Variants in PTPRN2 observed in about 807,000 individuals in gnomAD.
The protein encoded by PTPRN2 is protein tyrosine phosphatase receptor type N2.
A neutral mutation model predicts 118.8 loss-of-function variants in PTPRN2; 74 were observed. The observed-to-expected ratio is 0.62, with a 90% CI of 0.52 to 0.76. The LOEUF (loss-of-function observed/expected upper bound fraction) is 0.76, where lower values mean the gene tolerates loss of function less well. PTPRN2 is among the 30% of genes least tolerant of loss of function. The probability of loss-of-function intolerance (pLI) is 0.00; values close to 1 mark genes in which losing one functional copy is unlikely to be tolerated. For synonymous variants in PTPRN2, 641 were observed against 608.0 expected (o/e 1.05, Z -0.80); for missense variants, 1,481 against 1,394.4 (o/e 1.06, Z -0.99).
At chr7:157,601,488 C>T (rs1258709589) in intron 16 of PTPRN2, among the ~76,000 whole-genome samples, 1 of 152,086 alleles carries the variant, frequency 6.6e-6, no homozygotes, top group Non-Finnish European at 1.5e-5. Context: ...AGGAAAGACA[C>T]AAAATGTACC....
At chr7:158,227,061 G>A (rs186948048) in intron 3 of PTPRN2, among the ~76,000 whole-genome samples, 6 of 152,230 alleles carry the variant, frequency 3.9e-5, no homozygotes, top group Admixed American at 2.0e-4. Context: ...GTCACAGGAC[G>A]AATGGAGGCC....
chr7:157,783,775 G>A (rs959023836), intron 12 of PTPRN2, among the ~76,000 whole-genome samples: 2 of 151,852 alleles, frequency 1.3e-5, no homozygotes, highest in African/African-American at 4.8e-5. Context: ...ATGTGGATTC[G>A]TATGACCCTA....
intron 19 of PTPRN2, among the ~76,000 whole-genome samples, chr7:157,573,547 A>ACCAAACC (rs923265977): frequency 6.6e-6 from 1 of 152,228 alleles, no homozygotes. Flanking sequence ...AGTAAAACAA[A>ACCAAACC]CCAAACCCCA....
At chr7:158,462,769 A>G (rs2129443330) in intron 2 of PTPRN2, among the ~76,000 whole-genome samples, 1 of 152,352 alleles carries the variant, frequency 6.6e-6, no homozygotes, top group South Asian at 2.1e-4. Flanking sequence ...CCGCAAAACT[A>G]CAAGCTAAGC....
chr7:158,100,670 T>C (rs1400776457), intron 10 of PTPRN2, among the ~76,000 whole-genome samples: 1 of 152,220 alleles, frequency 6.6e-6, no homozygotes, highest in Non-Finnish European at 1.5e-5. Context: ...GGGCATTTTT[T>C]CATATGTTTG....
chr7:158,289,623 T>C (rs1423680707), intron 3 of PTPRN2, among the ~76,000 whole-genome samples: 1 of 152,248 alleles, frequency 6.6e-6, no homozygotes, highest in Non-Finnish European at 1.5e-5. Flanking sequence ...CTTCAAACAC[T>C]TACTTTGAAT....
intron 12 of PTPRN2, among the ~76,000 whole-genome samples, chr7:157,705,635 T>A (rs1242785): frequency 0.15 from 21,952 of 150,596 alleles, 1,626 homozygotes; most frequent in Admixed American, 0.2. Context: ...CTGACCTCAG[T>A]GCCTTCCAGA....
At position 157,584,589 on chromosome 7, in the gene PTPRN2, A is replaced by T. The variant is rs192609385; in HGVS notation, c.2497-6449T>A. On this transcript the variant is annotated intron_variant, in intron 17 of 22. Transcript: ENST00000389418. ...TGCCATGAAGATGCATTTCCTCCAG[A>T]GCAGGTGCGGGGCCCACGCAATTCT... Among the ~76,000 whole-genome samples the T allele has an allele frequency of 3.7e-3, 565 of 152,340 alleles. 2 individuals carry two copies. Among genetic ancestry groups the T allele is most frequent in the African/African-American group, 0.013 (533 of 41,584 alleles).
In PTPRN2 at chr7:158,536,675, C is replaced by T. The variant is rs1189096151; in HGVS notation, c.113-46890G>A. Among the ~76,000 whole-genome samples the T allele has an allele frequency of 5.3e-5, 8 of 150,872 alleles. No individual in the cohort carries two copies. The East Asian group carries it at 1.6e-3, about 30-fold the overall frequency. ...CCAGCCCACCATTGACAAAACAAGA[C>T]TCAGGAAGACACAAGGGCCTTCCCA... On this transcript the variant is annotated intron_variant, in intron 1 of 22. Transcript: ENST00000389418.
intron 3 of PTPRN2, among the ~76,000 whole-genome samples, chr7:158,208,502 T>C (rs998931494): frequency 6.6e-6 from 1 of 150,764 alleles, no homozygotes; most frequent in African/African-American, 2.4e-5. Context: ...GGGATTGTTA[T>C]TTAAAGTGTT....
At position 157,976,938 on chromosome 7, in the gene PTPRN2, C is replaced by T. The variant is rs529264942; in HGVS notation, c.1724-78201G>A. 9.2e-5 allele frequency among the ~76,000 whole-genome samples: 14 copies of T among 151,884 alleles called. No homozygotes were observed. In the East Asian group the frequency reaches 2.5e-3, roughly 27 times the overall value. On this transcript the variant is annotated intron_variant, in intron 11 of 22. Coordinates refer to ENST00000389418, the MANE Select transcript of PTPRN2 (RefSeq NM_002847.5). The stretch of plus-strand genomic sequence containing the variant: ...AGGCATAGTGGAAGAGAAGTTGAAT[C>T]AAATCGAAGTTTATTAACAAAGATA...
chr7:157,623,751 T>G (rs1803401852), intron 14 of PTPRN2, among the ~76,000 whole-genome samples: 1 of 152,224 alleles, frequency 6.6e-6, no homozygotes, highest in Admixed American at 6.5e-5. Context: ...TGAAGTCATC[T>G]GCAGAGGCAC....
Position 157,990,456 on chromosome 7 carries a change from C to A in PTPRN2, c.1723+90842G>T, listed in dbSNP as rs1382467327. 6.6e-6 allele frequency among the ~76,000 whole-genome samples: 1 copy of A among 152,142 alleles called. No homozygotes were observed. Among genetic ancestry groups the A allele is most frequent in the Non-Finnish European group, 1.5e-5 (1 of 68,018 alleles). On this transcript the variant is annotated intron_variant, in intron 11 of 22. Transcript: ENST00000389418. The surrounding 1 kb of genome is among the most constrained non-coding windows in gnomAD (Gnocchi z 4.3). ...CCAGGTTCTCCTTCCTTCAGGGCAC[C>A]CCCACCCACCCTCTCCCCAAGGCTT... is the stretch of plus-strand genomic sequence containing the variant.
At chr7:158,458,000 G>A (rs886101398) in intron 2 of PTPRN2, among the ~76,000 whole-genome samples, 8 of 152,238 alleles carry the variant, frequency 5.3e-5, no homozygotes, top group African/African-American at 1.7e-4. Flanking sequence ...AATTGGGAGT[G>A]AGAAGACGTG....
intron 12 of PTPRN2, among the ~76,000 whole-genome samples, chr7:157,889,090 G>T (rs1796647995): frequency 6.6e-6 from 1 of 152,166 alleles, no homozygotes; most frequent in African/African-American, 2.4e-5. Context: ...TTTGGACAAA[G>T]GAAAAAACTC....
At chr7:157,931,911 A>G (rs750518129) in intron 11 of PTPRN2, among the ~76,000 whole-genome samples, 25 of 152,002 alleles carry the variant, frequency 1.6e-4, no homozygotes, top group Admixed American at 5.2e-4. Flanking sequence ...TTCTATTGTT[A>G]CTCTAAGTTG....
At chr7:158,443,811 G>A (rs1433418820) in intron 2 of PTPRN2, among the ~76,000 whole-genome samples, 3 of 152,176 alleles carry the variant, frequency 2.0e-5, no homozygotes, top group African/African-American at 7.2e-5. Context: ...AGGCTCTGGG[G>A]GTCCTTGTCT....
intron 1 of PTPRN2, among the ~76,000 whole-genome samples, chr7:158,581,512 A>C (rs1199864401): frequency 2.6e-5 from 4 of 152,116 alleles, no homozygotes; most frequent in African/African-American, 9.7e-5. Context: ...AAAAAAGAAA[A>C]GTCCATTTTA....
Position 157,866,838 on chromosome 7 carries a change from C to G in PTPRN2, c.1788+31835G>C, listed in dbSNP as rs571972782. Among the ~76,000 whole-genome samples the G allele has an allele frequency of 2.1e-3, 262 of 125,664 alleles. 3 individuals are homozygous for G. The highest frequency in any genetic ancestry group is 3.4e-3 in the Non-Finnish European group (195 of 57,332). 82.4% of individuals were successfully genotyped at this position (125,664 alleles called of 152,430 possible). On this transcript the variant is annotated intron_variant, in intron 12 of 22. Transcript: ENST00000389418. ...GATACATGGCCACCACCGCCCCCCC[C>G]CGACGCCCTGGATACACGGCCACCA...
Sources: allele counts gnomAD v4.1 joint callset (sites outside exome capture counted in the v4.1 genomes callset), GRCh38; gene constraint gnomAD v4.1.1; non-coding constraint Gnocchi (gnomAD v3.1); transcripts MANE v1.5; gene names NCBI Gene and HGNC (gene_info 2026-07-23, HGNC 2026-07-21).